COX6B1: variants seen among roughly 807,000 people sequenced by gnomAD.
COX6B1 encodes the protein cytochrome c oxidase subunit 6B1, also known as COX VIb-1.
A neutral mutation model predicts 14.0 loss-of-function variants in COX6B1; 2 were observed. The observed-to-expected ratio is 0.14, with a 90% CI of 0.06 to 0.45. COX6B1 has a LOEUF of 0.45. Ranked by LOEUF, COX6B1 falls within the 20% of genes least tolerant of loss-of-function variation. The pLI, the probability that COX6B1 is intolerant of heterozygous loss-of-function variation, is 0.98. For missense variants in COX6B1, 81 were observed against 114.2 expected (o/e 0.71, Z 1.33); for synonymous variants, 30 against 39.7 (o/e 0.76, Z 0.92).
intron 3 of COX6B1, among the ~76,000 whole-genome samples, chr19:35,657,650 A>ATTTTTTT (rs1192141047): frequency 1.7e-5 from 2 of 115,548 alleles, no homozygotes; most frequent in Non-Finnish European, 1.8e-5. Flanking sequence ...GGGCCTTTTC[A>ATTTTTTT]TTTTTTTTTT....
rs2146370068 is a variant in COX6B1, at chr19:35,651,395, C to T, written c.106+46C>T. Reference sequence around the variant, plus strand: ...GCCACATACCTCGAGTCACTCACCGCTTGCCTCTTCCTAGGGGACCCATCC... The same window carrying T: ...GCCACATACCTCGAGTCACTCACCGTTTGCCTCTTCCTAGGGGACCCATCC... On this transcript the variant is annotated intron_variant, in intron 2 of 3. Transcript: ENST00000649813. 5 of 1,451,916 alleles carry T rather than the reference C, an allele frequency of 3.4e-6. No homozygotes were observed. The East Asian group carries it at 6.9e-5, about 20-fold the overall frequency. 89.9% of individuals were successfully genotyped at this position (1,451,916 alleles called of 1,614,324 possible).
intron 1 of COX6B1, among the ~76,000 whole-genome samples, chr19:35,650,732 A>G (rs764802637): frequency 2.0e-5 from 3 of 151,960 alleles, no homozygotes; most frequent in Non-Finnish European, 4.4e-5. Flanking sequence ...ATTCAGCGAG[A>G]GGTTTCTGGG....
chr19:35,654,627 G>T lies in COX6B1; in HGVS notation c.163G>T (p.Glu55Ter). 6.2e-7 allele frequency: 1 copy of T among 1,614,164 alleles called. No individual in the cohort carries two copies. The highest frequency in any genetic ancestry group is 8.5e-7 in the Non-Finnish European group (1 of 1,180,040). Residue 55 changes from glutamate to a stop codon, truncating the protein, a stop_gained, in exon 3 of 4, where the codon GAA (glutamate) becomes TAA (stop). Coordinates refer to ENST00000649813, the MANE Select transcript of COX6B1 (RefSeq NM_001863.5). LOFTEE classifies it high-confidence loss of function. The part of the protein sequence containing the change: ...TAKGGDISVC[E>*]WYQRVYQSLC... ...TAAAGGAGGCGATATCTCTGTGTGCGAATGGTACCAGCGTGTGTACCAGTC... is the reference window on the plus strand; with the variant it reads ...TAAAGGAGGCGATATCTCTGTGTGCTAATGGTACCAGCGTGTGTACCAGTC...
chr19:35,658,007 G>C (rs765064330), intron 3 of COX6B1, among the ~76,000 whole-genome samples: 4 of 152,000 alleles, frequency 2.6e-5, no homozygotes, highest in Non-Finnish European at 5.9e-5. Context: ...GTCCAGGTTG[G>C]TCTCAAACTC....
intron 2 of COX6B1, 55 bp downstream of exon 2, chr19:35,651,404 T>C: frequency 7.2e-7 from 1 of 1,380,546 alleles, no homozygotes. Flanking sequence ...GCTTGCCTCT[T>C]CCTAGGGGAC....
At chr19:35,654,085 AC>A (rs1967861355) in intron 2 of COX6B1, among the ~76,000 whole-genome samples, 1 of 152,140 alleles carries the variant, frequency 6.6e-6, no homozygotes, top group Non-Finnish European at 1.5e-5. Flanking sequence ...TTCATTCAGT[AC>A]CTTCTCAGAT....
At chr19:35,649,024 A>G (rs947236804) in intron 1 of COX6B1, 3 of 482,702 alleles carry the variant, frequency 6.2e-6, no homozygotes, top group African/African-American at 2.0e-5. Context: ...CGTCGCTTGA[A>G]TTTGACACTG....
At chr19:35,657,560 T>A (rs1967900049) in intron 3 of COX6B1, among the ~76,000 whole-genome samples, 1 of 151,994 alleles carries the variant, frequency 6.6e-6, no homozygotes, top group South Asian at 2.1e-4. Context: ...TAAAAACGTT[T>A]ATGCTTGTAA....
chr19:35,657,940 A>C (rs1340349460), intron 3 of COX6B1, among the ~76,000 whole-genome samples: 1 of 151,946 alleles, frequency 6.6e-6, no homozygotes, highest in East Asian at 1.9e-4. Context: ...TATAGGCGTG[A>C]GCCACCATGC....
At position 35,648,905 on chromosome 19, in the gene COX6B1, G is replaced by A. The variant is rs534053288; in HGVS notation, c.-12+502G>A. The A allele has an allele frequency of 4.4e-4, 236 of 533,378 alleles. 1 individual carries two copies. The highest frequency in any genetic ancestry group is 3.2e-3 in the South Asian group (229 of 71,582). The allele number at this position is 533,378 out of a possible 1,614,324, so 33.0% of individuals were successfully genotyped here. ...TCCTCAGATACCGGGTAGAGATCTC[G>A]CCGGTAACGATCCTTCCTACTGCGT... On this transcript the variant is annotated intron_variant, in intron 1 of 3. Transcript: ENST00000649813.
chr19:35,648,861 C>T (rs1327018285), intron 1 of COX6B1: 1 of 533,456 alleles, frequency 1.9e-6, no homozygotes, highest in Non-Finnish European at 3.8e-6. Context: ...GCCGCAGCGT[C>T]ATCTCCGATG....
intron 1 of COX6B1, chr19:35,648,695 C>T: frequency 2.6e-6 from 1 of 388,686 alleles, no homozygotes; most frequent in South Asian, 1.9e-5. Flanking sequence ...TACCAAGCGA[C>T]CTAGCTGAAC....
intron 1 of COX6B1, chr19:35,648,641 A>G: frequency 2.8e-6 from 1 of 353,702 alleles, no homozygotes; most frequent in Admixed American, 3.8e-5. Flanking sequence ...CCTATGAGAT[A>G]GGGCCTGCGA....
intron 1 of COX6B1, among the ~76,000 whole-genome samples, chr19:35,650,090 G>A (rs1017844615): frequency 1.4e-4 from 21 of 150,686 alleles, no homozygotes; most frequent in African/African-American, 3.9e-4. Flanking sequence ...TACAACCTCC[G>A]CCTCCTGGGT....
At position 35,651,256 on chromosome 19, in the gene COX6B1, A is replaced by C. The variant is rs373850890; in HGVS notation, c.13A>C (p.Met5Leu). The C allele has an allele frequency of 7.4e-6, 12 of 1,613,816 alleles. No homozygotes were observed. The highest frequency in any genetic ancestry group is 1.0e-5 in the Non-Finnish European group (12 of 1,179,866). MAEDMETKIKNYKTA... is the reference protein window; with the variant it reads MAEDLETKIKNYKTA... The stretch of plus-strand genomic sequence containing the variant: ...AGGATTCAGCACCATGGCGGAAGAC[A>C]TGGAGACCAAAATCAAGAACTACAA... The change falls in exon 2 of 4, where the codon ATG becomes CTG. Residue 5 changes from methionine to leucine, a missense_variant. Physicochemically the swap from Met to Leu is conservative, Grantham distance 15. Coordinates refer to ENST00000649813, the MANE Select transcript of COX6B1 (RefSeq NM_001863.5).
At chr19:35,654,838 C>T (rs750355390) in intron 3 of COX6B1, among the ~76,000 whole-genome samples, 167 bp downstream of exon 3, 2 of 152,038 alleles carry the variant, frequency 1.3e-5, no homozygotes, top group Non-Finnish European at 2.9e-5. Flanking sequence ...CTCCCTGTCT[C>T]CTTCTGCTGA....
intron 2 of COX6B1, among the ~76,000 whole-genome samples, chr19:35,653,650 G>A (rs574544562): frequency 2.0e-5 from 3 of 148,316 alleles, no homozygotes; most frequent in Non-Finnish European, 4.5e-5. Context: ...GCGTGATCTC[G>A]GCTCCCTGCA....
At chr19:35,654,713 G>A (rs776848261) in intron 3 of COX6B1, 42 bp downstream of exon 3, 8 of 1,579,800 alleles carry the variant, frequency 5.1e-6, no homozygotes, top group Non-Finnish European at 7.0e-6. Context: ...CTGGGGTGGG[G>A]TCTTAGCAGA....
At chr19:35,648,620 C>T (rs1967787905) in intron 1 of COX6B1, 1 of 345,348 alleles carries the variant, frequency 2.9e-6, no homozygotes, top group South Asian at 2.1e-5. Flanking sequence ...TTATTTAACT[C>T]TCCCACCAGC....
Sources: gnomAD v4.1 joint callset for allele counts (sites outside exome capture counted in the v4.1 genomes callset) on GRCh38, gnomAD v4.1.1 for gene constraint, MANE v1.5 for transcripts, NCBI Gene and HGNC (gene_info 2026-07-23, HGNC 2026-07-21) for gene names.